Variants in CFAP20DC observed in about 807,000 individuals in gnomAD.
The protein encoded by CFAP20DC is CFAP20 domain containing.
A neutral mutation model predicts 101.7 loss-of-function variants in CFAP20DC; 84 were observed. The observed-to-expected ratio is 0.83, with a 90% CI of 0.69 to 0.99. The LOEUF (loss-of-function observed/expected upper bound fraction) is 0.99. Ranked by LOEUF, CFAP20DC falls within the 50% of genes least tolerant of loss-of-function variation. The pLI, the probability that CFAP20DC is intolerant of heterozygous loss-of-function variation, is 0.00. For synonymous variants in CFAP20DC, 359 were observed against 351.2 expected (o/e 1.02, Z -0.25); for missense variants, 1,007 against 970.3 (o/e 1.04, Z -0.50).
chr3:58,862,667 C>T, intron 12 of CFAP20DC: 1 of 982,476 alleles, frequency 1.0e-6, no homozygotes, highest in Non-Finnish European at 1.2e-6. Flanking sequence ...GATTCTTAAT[C>T]AGTTACGTTA....
intron 4 of CFAP20DC, among the ~76,000 whole-genome samples, chr3:58,974,773 C>T (rs753968417): frequency 9.2e-5 from 14 of 152,090 alleles, no homozygotes; most frequent in South Asian, 4.2e-4. Context: ...AAATTCCATG[C>T]CATTTGCAAG....
chr3:58,753,771 T>C lies in CFAP20DC; in HGVS notation c.2330A>G (p.Gln777Arg), dbSNP rs2068731568. ...CATATCGTTTTTCATAGTCCCACCT[T>C]GAACACTCAAACTTTCACAGGAATC... The part of the protein sequence containing the change: ...RPDSCESLSV[Q>R]GEEDLSVEED... The change falls in exon 16 of 17, where the codon CAA (glutamine) becomes CGA (arginine). Residue 777 changes from glutamine to arginine, a missense_variant and splice_region_variant. Gln to Arg is a conservative substitution (Grantham distance 43, BLOSUM62 1). Transcript: ENST00000482387. 3 of 1,606,442 alleles carry C rather than the reference T, an allele frequency of 1.9e-6. No individual in the cohort carries two copies. Among genetic ancestry groups the C allele is most frequent in the Non-Finnish European group, 2.6e-6 (3 of 1,173,958 alleles).
intron 16 of CFAP20DC, among the ~76,000 whole-genome samples, chr3:58,747,039 A>G (rs1281874428): frequency 6.6e-6 from 1 of 152,080 alleles, no homozygotes; most frequent in Non-Finnish European, 1.5e-5. Context: ...TTTTCCTCAA[A>G]ATGCTAAATT....
At chr3:58,902,901 A>AT (rs888170566) in intron 6 of CFAP20DC, among the ~76,000 whole-genome samples, 4 of 151,920 alleles carry the variant, frequency 2.6e-5, no homozygotes, top group Admixed American at 6.6e-5. Context: ...TGTTTTTTTA[A>AT]TTTTTTTCCC....
intron 2 of CFAP20DC, among the ~76,000 whole-genome samples, chr3:59,046,659 A>G (rs1250267512): frequency 3.9e-5 from 6 of 152,220 alleles, no homozygotes; most frequent in African/African-American, 1.4e-4. Context: ...CAGGAAAAGT[A>G]GAACAGTCAA....
At chr3:58,787,576 A>G (rs1559590080) in intron 15 of CFAP20DC, among the ~76,000 whole-genome samples, 2 of 152,184 alleles carry the variant, frequency 1.3e-5, no homozygotes, top group Non-Finnish European at 2.9e-5. Context: ...GGTGGAGGAC[A>G]GTGTGGCGAT....
intron 4 of CFAP20DC, among the ~76,000 whole-genome samples, chr3:59,035,260 C>A (rs1192205196): frequency 6.6e-6 from 1 of 152,058 alleles, no homozygotes; most frequent in East Asian, 1.9e-4. Flanking sequence ...AAAATCGACA[C>A]CCTAACATCA....
chr3:58,990,864 T>A (rs1336209196), intron 4 of CFAP20DC, among the ~76,000 whole-genome samples: 2 of 151,990 alleles, frequency 1.3e-5, no homozygotes, highest in African/African-American at 2.4e-5. Context: ...CAAATAGGAA[T>A]ATTCAACCTG....
At chr3:58,773,451 G>T (rs995615857) in intron 15 of CFAP20DC, among the ~76,000 whole-genome samples, 3 of 151,994 alleles carry the variant, frequency 2.0e-5, no homozygotes, top group Non-Finnish European at 2.9e-5. Context: ...GGCTACTTGG[G>T]GGGCTGAAGT....
At position 58,783,680 on chromosome 3, in the gene CFAP20DC, G is replaced by T. The variant is rs186736998; in HGVS notation, c.2237+22715C>A. On this transcript the variant is annotated intron_variant, in intron 15 of 16. Transcript: ENST00000482387. ...AAAGAAGACATACAAACGGCCAACA[G>T]ATATATGAAAAAGTACTGAACATCA... Among the ~76,000 whole-genome samples, 407 of 152,004 alleles carry T rather than the reference G, an allele frequency of 2.7e-3. 3 individuals are homozygous for T. Among genetic ancestry groups the T allele is most frequent in the African/African-American group, 9.2e-3 (380 of 41,486 alleles).
At chr3:58,963,847 G>A (rs1246167754) in intron 4 of CFAP20DC, among the ~76,000 whole-genome samples, 1 of 152,114 alleles carries the variant, frequency 6.6e-6, no homozygotes, top group Non-Finnish European at 1.5e-5. Context: ...AGCCATGACA[G>A]GACAGGAGGT....
At chr3:59,012,555 G>A (rs1319604905) in intron 4 of CFAP20DC, among the ~76,000 whole-genome samples, 1 of 152,212 alleles carries the variant, frequency 6.6e-6, no homozygotes, top group Non-Finnish European at 1.5e-5. Flanking sequence ...CAAGGCTATT[G>A]GAGCCAGAAT....
chr3:59,049,599 G>C lies in CFAP20DC; in HGVS notation c.21+12C>G. ...AAAGGTATAGACAGGTTGGAGAACCGTTTCGGGTTACCTGGTACTCATTTT... is the reference window on the plus strand; with the variant it reads ...AAAGGTATAGACAGGTTGGAGAACCCTTTCGGGTTACCTGGTACTCATTTT... On this transcript the variant is annotated intron_variant, in intron 1 of 16. Transcript: ENST00000482387. The C allele has an allele frequency of 1.3e-6, 2 of 1,535,974 alleles. No individual in the cohort carries two copies. The highest frequency in any genetic ancestry group is 1.7e-6 in the Non-Finnish European group (2 of 1,146,752).
In CFAP20DC at chr3:59,034,940, G is replaced by T. The variant is rs141259273; in HGVS notation, c.278+4617C>A. Among the ~76,000 whole-genome samples the T allele has an allele frequency of 2.0e-3, 307 of 152,152 alleles. 1 individual carries two copies. The highest frequency in any genetic ancestry group is 7.0e-3 in the African/African-American group (291 of 41,506). On this transcript the variant is annotated intron_variant, in intron 4 of 16. Transcript: ENST00000482387. ...TTATTCTAATATCAACCACATAATA[G>T]GAAGTAAAACATTCCTCAGCAAATG...
At position 58,890,804 on chromosome 3, in the gene CFAP20DC, C is replaced by T. The variant is rs1173179281; in HGVS notation, c.551-6095G>A. 6.7e-4 allele frequency among the ~76,000 whole-genome samples: 100 copies of T among 149,078 alleles called. No individual in the cohort carries two copies. In the Middle Eastern group the frequency reaches 0.01, roughly 15 times the overall value. ...CCCAGATGGGGCGGCGGGGCAGAGG[C>T]GCTCCCCACATCTCAGACGATGGGC... On this transcript the variant is annotated intron_variant, in intron 6 of 16. Transcript: ENST00000482387.
At chr3:58,731,444 TA>T (rs1391903017) in intron 3 of CFAP20DC, among the ~76,000 whole-genome samples, 1 of 152,190 alleles carries the variant, frequency 6.6e-6, no homozygotes, top group Non-Finnish European at 1.5e-5. Flanking sequence ...GAGGGCTGAT[TA>T]TAAATGATCC....
At position 58,875,459 on chromosome 3, in the gene CFAP20DC, G is replaced by A. The variant is rs116152170; in HGVS notation, c.716-5150C>T. Among the ~76,000 whole-genome samples the A allele has an allele frequency of 2.9e-3, 434 of 152,268 alleles. 1 individual carries two copies. The highest frequency in any genetic ancestry group is 9.7e-3 in the African/African-American group (405 of 41,552). ...GAGAAAAATGGGTGCGGAGAGTAAT[G>A]AAGGGCTCTGTGGGACATGGTGTGG... On this transcript the variant is annotated intron_variant, in intron 7 of 16. Coordinates refer to ENST00000482387, the MANE Select transcript of CFAP20DC (RefSeq NM_001394063.1).
intron 2 of CFAP20DC, among the ~76,000 whole-genome samples, chr3:59,046,566 G>A (rs1362469742): frequency 6.6e-6 from 1 of 151,930 alleles, no homozygotes; most frequent in Admixed American, 6.6e-5. Flanking sequence ...TATGGATGAT[G>A]GATTCTGGGC....
In CFAP20DC at chr3:58,847,505, A is replaced by T. The variant is rs546914635; in HGVS notation, c.1971+1527T>A. Among the ~76,000 whole-genome samples, 4 of 150,944 alleles carry T rather than the reference A, an allele frequency of 2.6e-5. No homozygotes were observed. In the East Asian group the frequency reaches 7.9e-4, roughly 30 times the overall value. On this transcript the variant is annotated intron_variant, in intron 13 of 16. Coordinates refer to ENST00000482387, the MANE Select transcript of CFAP20DC (RefSeq NM_001394063.1). ...CCAGTTAGAATGGCAATCATTAAAA[A>T]GTCAGGAAACAACAGGTGCTGGAGA... is the stretch of plus-strand genomic sequence containing the variant.
Sources: allele counts gnomAD v4.1 joint callset (sites outside exome capture counted in the v4.1 genomes callset), GRCh38; gene constraint gnomAD v4.1.1; transcripts MANE v1.5; gene names NCBI Gene and HGNC (gene_info 2026-07-23, HGNC 2026-07-21).